The following RNFT2 variants were observed in gnomAD, a reference collection of about 807,000 sequenced individuals.
The protein encoded by RNFT2 is E3 ubiquitin-protein ligase RNFT2.
In RNFT2, 36 loss-of-function variants were observed where a neutral mutation model predicts 53.0. The observed-to-expected ratio is 0.68, with a 90% confidence interval of 0.52 to 0.90. RNFT2 has a LOEUF of 0.90. Ranked by LOEUF, RNFT2 falls within the 40% of genes least tolerant of loss-of-function variation. The pLI is 0.00. For missense variants in RNFT2, 514 were observed against 585.6 expected (o/e 0.88, Z 1.26); for synonymous variants, 260 against 253.2 (o/e 1.03, Z -0.26).
intron 6 of RNFT2, among the ~76,000 whole-genome samples, chr12:116,774,136 G>T (rs992930517): frequency 2.0e-5 from 3 of 152,214 alleles, no homozygotes; most frequent in Non-Finnish European, 2.9e-5. Context: ...GCCAGGGACT[G>T]GGGGGAGAAG....
chr12:116,787,890 G>A (rs1874009929), intron 7 of RNFT2, among the ~76,000 whole-genome samples: 1 of 151,772 alleles, frequency 6.6e-6, no homozygotes, highest in African/African-American at 2.4e-5. Flanking sequence ...TCTGTTTTTT[G>A]TGCTCCAGAC....
At chr12:116,812,941 T>C (rs1283694886) in intron 7 of RNFT2, among the ~76,000 whole-genome samples, 1 of 151,298 alleles carries the variant, frequency 6.6e-6, no homozygotes, top group East Asian at 2.0e-4. Context: ...GTTTTCTGTT[T>C]TGTTTTGTCA....
rs5801198 is a variant in RNFT2 at position 116,775,261 on chromosome 12, CA to C, written c.729-3916del. Among the ~76,000 whole-genome samples the C allele has an allele frequency of 6.4e-3, 751 of 116,764 alleles. 9 individuals are homozygous for C. Among genetic ancestry groups the C allele is most frequent in the African/African-American group, 0.022 (662 of 29,628 alleles). 76.6% of individuals were successfully genotyped at this position (116,764 alleles called of 152,430 possible). A position where few individuals can be genotyped will look rare whatever the true frequency, so the allele number is the denominator to read the frequency against. ...GGCAACAAGGGTGAAACTCCCGTCT[CA>C]AAAAAAAAAAAAAAAAAGAGAGAGA... On this transcript the variant is annotated intron_variant, in intron 6 of 10. Transcript: ENST00000257575.
Position 116,836,237 on chromosome 12 carries a change from C to A in RNFT2, c.1155C>A (p.Ala385=), listed in dbSNP as rs769030718. ...GCACAGAAGCTGGTGACATCTGCGCCATCTGTCAGGCCGAGTTCCGAGAGC... is the reference window on the plus strand; with the variant it reads ...GCACAGAAGCTGGTGACATCTGCGCAATCTGTCAGGCCGAGTTCCGAGAGC... ...QQCTEAGDIC[A]ICQAEFREPL... Residue 385 remains alanine, a synonymous_variant, in exon 10 of 11, where the codon GCC becomes GCA. Coordinates refer to ENST00000257575, the MANE Select transcript of RNFT2 (RefSeq NM_001382266.1). 1 of 1,591,834 alleles carries A rather than the reference C, an allele frequency of 6.3e-7. No homozygotes were observed. The highest frequency in any genetic ancestry group is 1.1e-5 in the South Asian group (1 of 87,432).
At position 116,760,966 on chromosome 12, in the gene RNFT2, A is replaced by G. The variant is rs552874127; in HGVS notation, c.628-5848A>G. ...TGACCATAGCTCATTGTAGCCTCCA[A>G]CTCCCGGATTCAAGCAATCCTCTGA... is the stretch of plus-strand genomic sequence containing the variant. On this transcript the variant is annotated intron_variant, in intron 5 of 10. Coordinates refer to ENST00000257575, the MANE Select transcript of RNFT2 (RefSeq NM_001382266.1). Among the ~76,000 whole-genome samples, 149 of 151,464 alleles carry G rather than the reference A, an allele frequency of 9.8e-4. 1 individual carries two copies. Among genetic ancestry groups the G allele is most frequent in the African/African-American group, 3.5e-3 (146 of 41,202 alleles).
chr12:116,744,184 C>A lies in RNFT2; in HGVS notation c.83+3090C>A, dbSNP rs142926115. On this transcript the variant is annotated intron_variant, in intron 3 of 10. Coordinates refer to ENST00000257575, the MANE Select transcript of RNFT2 (RefSeq NM_001382266.1). ...GAGGCTGCAACGAGCAGAGATCATG[C>A]GACTGCACTCTAGCCTGGGTGACAG... is the stretch of plus-strand genomic sequence containing the variant. Among the ~76,000 whole-genome samples, 165 of 143,070 alleles carry A rather than the reference C, an allele frequency of 1.2e-3. 1 individual carries two copies. In the South Asian group the frequency reaches 0.014, roughly 12 times the overall value. 93.9% of individuals were successfully genotyped at this position (143,070 alleles called of 152,430 possible). A position where few individuals can be genotyped will look rare whatever the true frequency, so the allele number is the denominator to read the frequency against.
At chr12:116,830,607 T>C (rs1876590902) in intron 7 of RNFT2, among the ~76,000 whole-genome samples, 2 of 152,070 alleles carry the variant, frequency 1.3e-5, no homozygotes, top group Admixed American at 6.6e-5. Context: ...TTTTTGCTAG[T>C]ATAGGATTGA....
At chr12:116,754,348 C>CAT (rs1300386321) in intron 5 of RNFT2, among the ~76,000 whole-genome samples, 1 of 152,040 alleles carries the variant, frequency 6.6e-6, no homozygotes, top group South Asian at 2.1e-4. Flanking sequence ...TATGTATATA[C>CAT]ATATATATAC....
In RNFT2 at chr12:116,849,826, CTCCT is replaced by C. The variant is rs1448506405; in HGVS notation, c.*396_*399del. 2.0e-5 allele frequency: 3 copies of C among 151,052 alleles called. No individual in the cohort carries two copies. Among genetic ancestry groups the C allele is most frequent in the South Asian group, 1.9e-4 (1 of 5,330 alleles). 9.4% of individuals were successfully genotyped at this position (151,052 alleles called of 1,614,324 possible). A position where few individuals can be genotyped will look rare whatever the true frequency, so the allele number is the denominator to read the frequency against. On this transcript the variant is annotated 3_prime_UTR_variant, in exon 11 of 11. Coordinates refer to ENST00000257575, the MANE Select transcript of RNFT2 (RefSeq NM_001382266.1). ...TCTCTCTCTCTGTTTCCCTCCCTCC[CTCCT>C]TCCTTCCTTCCTTCCTTTTTTTTTT...
Position 116,849,509 on chromosome 12 carries a change from G to T in RNFT2, c.*61G>T. ...GGTCAGCATGCCCGGACCCAGCCCT[G>T]CGGGGGCTTCCTGAGAAACAGGCCT... On this transcript the variant is annotated 3_prime_UTR_variant, in exon 11 of 11. Transcript: ENST00000257575. The T allele has an allele frequency of 6.6e-7, 1 of 1,509,530 alleles. No individual in the cohort carries two copies. The highest frequency in any genetic ancestry group is 8.9e-7 in the Non-Finnish European group (1 of 1,126,412). The allele number at this position is 1,509,530 out of a possible 1,614,324, so 93.5% of individuals were successfully genotyped here.
chr12:116,774,622 T>G (rs1873342621), intron 6 of RNFT2, among the ~76,000 whole-genome samples: 1 of 152,112 alleles, frequency 6.6e-6, no homozygotes, highest in Non-Finnish European at 1.5e-5. Flanking sequence ...TCAGATCACA[T>G]CCATCTGTTT....
intron 7 of RNFT2, among the ~76,000 whole-genome samples, chr12:116,817,193 A>C (rs1875730901): frequency 1.3e-5 from 2 of 152,140 alleles, no homozygotes; most frequent in Non-Finnish European, 2.9e-5. Context: ...TTGTATTTTT[A>C]GTACAGATGG....
At chr12:116,747,586 G>C (rs1367290682) in intron 3 of RNFT2, among the ~76,000 whole-genome samples, 3 of 152,028 alleles carry the variant, frequency 2.0e-5, no homozygotes, top group Non-Finnish European at 2.9e-5. Flanking sequence ...GAAAACAGTG[G>C]AAAATTTCCA....
chr12:116,789,605 A>G (rs1344789267), intron 7 of RNFT2, among the ~76,000 whole-genome samples: 1 of 132,088 alleles, frequency 7.6e-6, no homozygotes, highest in Admixed American at 7.6e-5. Context: ...TGGTGGGTGG[A>G]TGGATGGTAG....
intron 6 of RNFT2, among the ~76,000 whole-genome samples, chr12:116,767,510 G>A (rs879692371): frequency 3.3e-5 from 5 of 149,490 alleles, no homozygotes; most frequent in Admixed American, 6.7e-5. Flanking sequence ...GGTGTGAGTC[G>A]CCGCACCTGG....
intron 5 of RNFT2, among the ~76,000 whole-genome samples, chr12:116,761,256 C>T (rs1189602955): frequency 2.0e-5 from 3 of 152,192 alleles, no homozygotes; most frequent in Non-Finnish European, 4.4e-5. Context: ...TCAAGCAATT[C>T]CTCTGCCTCA....
intron 10 of RNFT2, among the ~76,000 whole-genome samples, chr12:116,847,849 A>T (rs1336369346): frequency 1.7e-4 from 26 of 152,050 alleles, no homozygotes; most frequent in Admixed American, 1.7e-3. Context: ...TAAAAAATTT[A>T]ATTTAATTTT....
chr12:116,840,552 C>T (rs966267506), intron 10 of RNFT2, among the ~76,000 whole-genome samples: 3 of 152,188 alleles, frequency 2.0e-5, no homozygotes, highest in East Asian at 1.9e-4. Flanking sequence ...GTTGCCTCCT[C>T]GGAATGAATG....
chr12:116,739,593 C>A (rs560488717), intron 1 of RNFT2, among the ~76,000 whole-genome samples: 1 of 152,338 alleles, frequency 6.6e-6, no homozygotes, highest in South Asian at 2.1e-4. Context: ...CCTGCGGGAC[C>A]AAGCCCTGCC....
Sources: gnomAD v4.1 joint callset for allele counts (sites outside exome capture counted in the v4.1 genomes callset) on GRCh38, gnomAD v4.1.1 for gene constraint, MANE v1.5 for transcripts, NCBI Gene and HGNC (gene_info 2026-07-23, HGNC 2026-07-21) for gene names.